CNTNAP2: variants seen among roughly 807,000 people sequenced by gnomAD.
The protein encoded by CNTNAP2 is contactin-associated protein-like 2.
In CNTNAP2, 98 loss-of-function variants were observed where a neutral mutation model predicts 155.2. The ratio of observed to expected loss-of-function variants is 0.63; its 90% CI spans 0.54 to 0.75. The LOEUF (loss-of-function observed/expected upper bound fraction) is 0.75, where lower values mean the gene tolerates loss of function less well. Among genes scored for constraint, CNTNAP2 ranks in the 30% least tolerant of loss-of-function variants. CNTNAP2 has a pLI of 0.00. For synonymous variants in CNTNAP2, 651 were observed against 631.2 expected, an observed-to-expected ratio of 1.03 and a Z score of -0.47; for missense variants, 1,727 against 1,688.1, an observed-to-expected ratio of 1.02 and a Z score of -0.40.
intron 8 of CNTNAP2, among the ~76,000 whole-genome samples, chr7:147,176,083 G>A (rs569939367): frequency 1.6e-4 from 25 of 152,162 alleles, no homozygotes; most frequent in Admixed American, 5.9e-4. Flanking sequence ...CAGAAGTCCC[G>A]TACTCATAAG....
chr7:146,377,973 T>C (rs1436460608), intron 1 of CNTNAP2, among the ~76,000 whole-genome samples: 1 of 152,224 alleles, frequency 6.6e-6, no homozygotes, highest in Admixed American at 6.5e-5. Context: ...TATGTTACTA[T>C]GCTACTTATT....
At chr7:146,305,749 G>A (rs934461022) in intron 1 of CNTNAP2, among the ~76,000 whole-genome samples, 10 of 152,088 alleles carry the variant, frequency 6.6e-5, no homozygotes, top group East Asian at 3.9e-4. Flanking sequence ...TTAAAGCAGC[G>A]TGTAGGGGGA....
intron 3 of CNTNAP2, among the ~76,000 whole-genome samples, chr7:147,024,086 C>G (rs1798859813): frequency 6.6e-6 from 1 of 152,072 alleles, no homozygotes; most frequent in Non-Finnish European, 1.5e-5. Context: ...CATGTAGTAT[C>G]CAGTATCTAA....
At chr7:146,612,366 TTTC>T (rs1454808217) in intron 1 of CNTNAP2, among the ~76,000 whole-genome samples, 5 of 152,224 alleles carry the variant, frequency 3.3e-5, no homozygotes, top group Middle Eastern at 3.2e-3. Context: ...CAGCTTTCCC[TTTC>T]TTTAAAAAGC....
At chr7:147,230,596 G>A (rs924473386) in intron 8 of CNTNAP2, among the ~76,000 whole-genome samples, 5 of 152,174 alleles carry the variant, frequency 3.3e-5, no homozygotes, top group Admixed American at 2.6e-4. Flanking sequence ...AGGGGTAAAA[G>A]AAGATTTGAT....
chr7:147,581,970 T>C (rs1278228318), intron 12 of CNTNAP2, among the ~76,000 whole-genome samples: 8 of 152,166 alleles, frequency 5.3e-5, no homozygotes, highest in African/African-American at 1.9e-4. Context: ...CCTTGTGCTG[T>C]AAGATATGAA....
intron 9 of CNTNAP2, among the ~76,000 whole-genome samples, chr7:147,358,868 C>T (rs1464798848): frequency 6.6e-6 from 1 of 152,038 alleles, no homozygotes; most frequent in African/African-American, 2.4e-5. Context: ...ACAATGGCCT[C>T]ATTTGTTAAA....
chr7:147,568,905 T>A (rs1800228626), intron 12 of CNTNAP2, among the ~76,000 whole-genome samples: 1 of 152,178 alleles, frequency 6.6e-6, no homozygotes, highest in Non-Finnish European at 1.5e-5. Flanking sequence ...CCTAAGACAA[T>A]ATTTTTCTTC....
intron 14 of CNTNAP2, among the ~76,000 whole-genome samples, chr7:147,928,606 G>C (rs1800439595): frequency 6.6e-6 from 1 of 152,106 alleles, no homozygotes; most frequent in South Asian, 2.1e-4. Context: ...CAGTGCAAAG[G>C]AAGTTATGTT....
At chr7:147,450,619 G>A (rs1267575592) in intron 10 of CNTNAP2, among the ~76,000 whole-genome samples, 1 of 152,200 alleles carries the variant, frequency 6.6e-6, no homozygotes, top group Non-Finnish European at 1.5e-5. Flanking sequence ...ATATTCATCA[G>A]ATCAGCCTTT....
intron 9 of CNTNAP2, among the ~76,000 whole-genome samples, chr7:147,329,861 A>C (rs1795525863): frequency 6.6e-6 from 1 of 152,104 alleles, no homozygotes; most frequent in South Asian, 2.1e-4. Context: ...AACCAAGAAA[A>C]GTCTTCAAGA....
chr7:146,540,957 A>G (rs932368497), intron 1 of CNTNAP2, among the ~76,000 whole-genome samples: 1 of 152,080 alleles, frequency 6.6e-6, no homozygotes, highest in Non-Finnish European at 1.5e-5. Flanking sequence ...GCCATCAAGC[A>G]GATAACTTGT....
chr7:146,183,143 C>G (rs1217176519), intron 1 of CNTNAP2, among the ~76,000 whole-genome samples: 2 of 152,132 alleles, frequency 1.3e-5, no homozygotes, highest in Non-Finnish European at 2.9e-5. Flanking sequence ...TTCTGCTTTA[C>G]TTTATAAATG....
chr7:147,678,145 CTTATT>C (rs1279037114), intron 13 of CNTNAP2, among the ~76,000 whole-genome samples: 3 of 151,806 alleles, frequency 2.0e-5, no homozygotes, highest in Non-Finnish European at 4.4e-5. Context: ...TGCCCTGAAT[CTTATT>C]TTATAGACAT....
At chr7:147,249,778 G>A (rs540980091) in intron 8 of CNTNAP2, among the ~76,000 whole-genome samples, 1 of 151,862 alleles carries the variant, frequency 6.6e-6, no homozygotes, top group Non-Finnish European at 1.5e-5. Flanking sequence ...TATAACTTTG[G>A]GCAGTAATTT....
chr7:146,880,358 G>A (rs1795521141), intron 3 of CNTNAP2, among the ~76,000 whole-genome samples: 3 of 151,946 alleles, frequency 2.0e-5, no homozygotes, highest in South Asian at 4.2e-4. Flanking sequence ...CAAGAAGGTA[G>A]CCACCTGTAA....
chr7:147,354,246 G>A (rs541320040), intron 9 of CNTNAP2, among the ~76,000 whole-genome samples: 44 of 151,848 alleles, frequency 2.9e-4, no homozygotes, highest in South Asian at 6.2e-4. Context: ...CTAGGTTTTC[G>A]TCTAGGGTTT....
At chr7:147,130,051 G>T (rs1001056973) in intron 7 of CNTNAP2, among the ~76,000 whole-genome samples, 6 of 152,012 alleles carry the variant, frequency 3.9e-5, no homozygotes, top group African/African-American at 4.8e-5. Flanking sequence ...AAAACATTGC[G>T]ATTTAACATG....
intron 13 of CNTNAP2, among the ~76,000 whole-genome samples, chr7:147,792,360 C>A (rs981242650): frequency 3.7e-5 from 4 of 107,510 alleles, no homozygotes; most frequent in Admixed American, 1.7e-4. Flanking sequence ...AACTTCTCAG[C>A]CCTAAGCAAC....
Sources: allele counts gnomAD v4.1 joint callset (sites outside exome capture counted in the v4.1 genomes callset), GRCh38; gene constraint gnomAD v4.1.1; transcripts MANE v1.5; gene names NCBI Gene and HGNC (gene_info 2026-07-23, HGNC 2026-07-21).